Variants in SEZ6L observed in about 807,000 individuals in gnomAD.
The protein encoded by SEZ6L is seizure 6-like protein.
In SEZ6L, 37 loss-of-function variants were observed where a neutral mutation model predicts 106.2. The observed-to-expected ratio is 0.35, with a 90% confidence interval of 0.27 to 0.46. The LOEUF (loss-of-function observed/expected upper bound fraction) is 0.46, where lower values mean the gene tolerates loss of function less well. Among genes scored for constraint, SEZ6L ranks in the 20% least tolerant of loss-of-function variants. SEZ6L has a pLI of 1.00. For synonymous variants in SEZ6L, 541 were observed against 570.4 expected, an observed-to-expected ratio of 0.95 and a Z score of 0.73; for missense variants, 1,172 against 1,332.8, an observed-to-expected ratio of 0.88 and a Z score of 1.88.
intron 9 of SEZ6L, among the ~76,000 whole-genome samples, chr22:26,330,329 G>A (rs963043911): frequency 7.9e-5 from 12 of 152,196 alleles, no homozygotes; most frequent in African/African-American, 2.9e-4. Flanking sequence ...TGTGAAATGG[G>A]TGTGAAGAGT....
intron 10 of SEZ6L, among the ~76,000 whole-genome samples, chr22:26,346,624 A>T (rs2083016313): frequency 6.6e-6 from 1 of 152,160 alleles, no homozygotes; most frequent in Non-Finnish European, 1.5e-5. Flanking sequence ...CAGTCACCTG[A>T]AGGCTTGATA....
At chr22:26,373,962 G>A (rs2084130072) in intron 14 of SEZ6L, among the ~76,000 whole-genome samples, 1 of 151,968 alleles carries the variant, frequency 6.6e-6, no homozygotes, top group East Asian at 1.9e-4. Flanking sequence ...CCTTACTTCA[G>A]CTCTCCTTTT....
At chr22:26,344,093 C>T (rs1267500443) in intron 10 of SEZ6L, among the ~76,000 whole-genome samples, 2 of 152,156 alleles carry the variant, frequency 1.3e-5, no homozygotes, top group Non-Finnish European at 2.9e-5. Context: ...TCAGGGGTTC[C>T]TGTGGTCACT....
chr22:26,192,768 A>T (rs1940320348), intron 1 of SEZ6L, among the ~76,000 whole-genome samples: 1 of 152,188 alleles, frequency 6.6e-6, no homozygotes, highest in African/African-American at 2.4e-5. Flanking sequence ...TCCCTCCTGC[A>T]TTTCCCAGAT....
chr22:26,266,287 A>G (rs6004982), intron 1 of SEZ6L, among the ~76,000 whole-genome samples: 27,947 of 151,782 alleles, frequency 0.18, 3,718 homozygotes, highest in East Asian at 0.35. Context: ...GCAGCTGGGC[A>G]CGGTGGCTTA....
intron 1 of SEZ6L, among the ~76,000 whole-genome samples, chr22:26,290,303 G>T (rs912330805): frequency 2.0e-5 from 3 of 152,152 alleles, no homozygotes; most frequent in Admixed American, 2.0e-4. Context: ...AGGCCGAGGC[G>T]GGTGGATCAC....
At chr22:26,175,509 T>G (rs1601950855) in intron 1 of SEZ6L, among the ~76,000 whole-genome samples, 1 of 152,304 alleles carries the variant, frequency 6.6e-6, no homozygotes, top group African/African-American at 2.4e-5. Flanking sequence ...AATGTGCAGA[T>G]AGTCTGGATG....
chr22:26,182,729 T>C (rs886395479), intron 1 of SEZ6L, among the ~76,000 whole-genome samples: 3 of 151,918 alleles, frequency 2.0e-5, no homozygotes, highest in Admixed American at 6.6e-5. Flanking sequence ...ACCACATCTA[T>C]GCACACCTTC....
chr22:26,199,015 A>G (rs1160817900), intron 1 of SEZ6L, among the ~76,000 whole-genome samples: 1 of 152,224 alleles, frequency 6.6e-6, no homozygotes, highest in Non-Finnish European at 1.5e-5. Context: ...GAGTCATTGG[A>G]AACGTCATGA....
At chr22:26,333,464 A>G (rs1299682759) in intron 9 of SEZ6L, among the ~76,000 whole-genome samples, 1 of 152,188 alleles carries the variant, frequency 6.6e-6, no homozygotes, top group Non-Finnish European at 1.5e-5. Flanking sequence ...GCACTGGCTG[A>G]GAGGAGTCCC....
At chr22:26,312,157 T>A (rs2081858909) in intron 8 of SEZ6L, among the ~76,000 whole-genome samples, 195 bp downstream of exon 8, 1 of 152,202 alleles carries the variant, frequency 6.6e-6, no homozygotes. Context: ...TGGGTGAATT[T>A]TAGAAGGTGC....
Position 26,306,091 on chromosome 22 carries a change from G to A in SEZ6L, c.1461G>A (p.Glu487=). Residue 487 remains glutamate, a synonymous_variant, in exon 6 of 17, where the codon GAG becomes GAA. Coordinates refer to ENST00000248933, the MANE Select transcript of SEZ6L (RefSeq NM_021115.5). The part of the protein sequence containing the change: ...QFCIWTIEAP[E]GQKLHLHFER... ...GCATCTGGACGATTGAAGCTCCAGA[G>A]GGCCAGAAGCTGCACCTGCACTTTG... 1 of 1,614,158 alleles carries A rather than the reference G, an allele frequency of 6.2e-7. No homozygotes were observed. The highest frequency in any genetic ancestry group is 8.5e-7 in the Non-Finnish European group (1 of 1,180,042).
chr22:26,373,063 A>G (rs541732120), intron 13 of SEZ6L, among the ~76,000 whole-genome samples: 5 of 152,318 alleles, frequency 3.3e-5, no homozygotes, highest in South Asian at 4.1e-4. Context: ...ATGTCAGAGA[A>G]GTCACTTCAC....
At chr22:26,220,252 G>A (rs548269710) in intron 1 of SEZ6L, among the ~76,000 whole-genome samples, 3 of 152,160 alleles carry the variant, frequency 2.0e-5, no homozygotes, top group Non-Finnish European at 4.4e-5. Context: ...ACTGATCTCC[G>A]GCCTTGTACC....
intron 1 of SEZ6L, among the ~76,000 whole-genome samples, chr22:26,184,992 G>C (rs909368389): frequency 6.6e-6 from 1 of 152,208 alleles, no homozygotes; most frequent in East Asian, 1.9e-4. Flanking sequence ...GCTGAATCAG[G>C]AGAATTGCTT....
intron 1 of SEZ6L, among the ~76,000 whole-genome samples, chr22:26,184,190 T>G (rs2123783377): frequency 6.6e-6 from 1 of 152,312 alleles, no homozygotes; most frequent in East Asian, 1.9e-4. Flanking sequence ...TATTGGCCTA[T>G]CACTTGCCTT....
At chr22:26,342,906 G>A (rs1018664059) in intron 10 of SEZ6L, among the ~76,000 whole-genome samples, 1 of 152,158 alleles carries the variant, frequency 6.6e-6, no homozygotes, top group Non-Finnish European at 1.5e-5. Flanking sequence ...GCGTGCCAAA[G>A]TACATTCCTG....
intron 1 of SEZ6L, among the ~76,000 whole-genome samples, chr22:26,207,960 A>T (rs1019404538): frequency 6.8e-6 from 1 of 147,414 alleles, no homozygotes; most frequent in Non-Finnish European, 1.5e-5. Flanking sequence ...CCCAGGCTGG[A>T]GTGCAGTGGC....
At chr22:26,292,131 G>A (rs565971892) in intron 1 of SEZ6L, 4 of 343,814 alleles carry the variant, frequency 1.2e-5, no homozygotes, top group South Asian at 9.1e-5. Context: ...GAGGGAGGGA[G>A]GAAAGAAAGA....
Sources: allele counts gnomAD v4.1 joint callset (sites outside exome capture counted in the v4.1 genomes callset), GRCh38; gene constraint gnomAD v4.1.1; transcripts MANE v1.5; gene names NCBI Gene and HGNC (gene_info 2026-07-23, HGNC 2026-07-21).